PPP6R2: variants seen among roughly 807,000 people sequenced by gnomAD.
PPP6R2 encodes the protein protein phosphatase 6 regulatory subunit 2, also known as serine/threonine-protein phosphatase 6 regulatory subunit 2.
Under a neutral mutation model 100.2 loss-of-function variants are expected in PPP6R2, and 62 were observed. The ratio of observed to expected loss-of-function variants is 0.62; its 90% CI spans 0.50 to 0.76. The LOEUF (loss-of-function observed/expected upper bound fraction) is 0.76. PPP6R2 is among the 30% of genes least tolerant of loss of function. The pLI is 0.00. For missense variants in PPP6R2, 1,142 were observed against 1,276.3 expected, an observed-to-expected ratio of 0.89 and a Z score of 1.60; for synonymous variants, 525 against 514.7, an observed-to-expected ratio of 1.02 and a Z score of -0.27.
upstream of PPP6R2, among the ~76,000 whole-genome samples, chr22:50,341,819 C>T (rs1190261586): frequency 6.6e-6 from 1 of 152,062 alleles, no homozygotes; most frequent in Non-Finnish European, 1.5e-5. Context: ...ACAGTGAAAC[C>T]CCGTCTCTAC....
intron 1 of PPP6R2, among the ~76,000 whole-genome samples, chr22:50,365,968 C>A (rs1272497224): frequency 6.6e-6 from 1 of 152,060 alleles, no homozygotes; most frequent in Admixed American, 6.6e-5. Flanking sequence ...TATGATTTTT[C>A]TTTTCCTGCT....
rs557632744 is a variant in PPP6R2, at chr22:50,377,763, C to A, written c.-17+5613C>A. On this transcript the variant is annotated intron_variant, in intron 2 of 23. Transcript: ENST00000612753. The stretch of plus-strand genomic sequence containing the variant: ...GTGGCTGACGCCTGTAATCCCAGTA[C>A]TTTGGGAGGCTGAGGCGGGAGGATC... Among the ~76,000 whole-genome samples, 25 of 152,188 alleles carry A rather than the reference C, an allele frequency of 1.6e-4. No individual in the cohort carries two copies. The East Asian group carries it at 2.5e-3, about 15-fold the overall frequency.
intron 11 of PPP6R2, 99 bp from the exon 12 acceptor site, chr22:50,432,166 C>G: frequency 3.6e-6 from 4 of 1,110,676 alleles, no homozygotes; most frequent in Non-Finnish European, 5.3e-6. Context: ...TCCACACAGA[C>G]GTGGCCGCCA....
chr22:50,434,827 G>A (rs561980115), intron 12 of PPP6R2, 139 bp from the exon 13 acceptor site: 24 of 675,776 alleles, frequency 3.6e-5, no homozygotes, highest in Middle Eastern at 5.5e-4. Flanking sequence ...GAGGAGGGCC[G>A]GGGGCGCGGA....
intron 2 of PPP6R2, among the ~76,000 whole-genome samples, chr22:50,384,310 G>C (rs1405364928): frequency 6.6e-6 from 1 of 151,914 alleles, no homozygotes; most frequent in Admixed American, 6.6e-5. Flanking sequence ...AATCCCACCA[G>C]TCTGGGAGGC....
chr22:50,441,261 A>G (rs2065533457), intron 22 of PPP6R2, among the ~76,000 whole-genome samples: 1 of 152,272 alleles, frequency 6.6e-6, no homozygotes, highest in South Asian at 2.1e-4. Flanking sequence ...TGGACAGAAC[A>G]TCGTGTTCTC....
At chr22:50,346,772 C>T (rs1298437304) in intron 1 of PPP6R2, among the ~76,000 whole-genome samples, 1 of 148,080 alleles carries the variant, frequency 6.8e-6, no homozygotes, top group South Asian at 2.2e-4. Flanking sequence ...CACTCTGCTC[C>T]CCATCAGTGT....
rs1569494527 is a variant in PPP6R2 at position 50,438,590 on chromosome 22, C to G, written c.1965-9C>G. The G allele has an allele frequency of 1.9e-6, 3 of 1,613,310 alleles. No individual in the cohort carries two copies. Among genetic ancestry groups the G allele is most frequent in the Non-Finnish European group, 2.5e-6 (3 of 1,179,690 alleles). On this transcript the variant is annotated splice_polypyrimidine_tract_variant and intron_variant, in intron 18 of 23. Coordinates refer to ENST00000612753, the MANE Select transcript of PPP6R2 (RefSeq NM_001242898.2). ...GGCCACCAGACATCTGACTCTGAAT[C>G]TCCCCCAGGTTTGGAGCCCCCCATG...
At chr22:50,343,244 A>ACCCGCGCGGCCCCGCCCC (rs2042616564), upstream of PPP6R2, 1 of 147,196 alleles carries the variant, frequency 6.8e-6, no homozygotes, top group African/African-American at 2.5e-5. Flanking sequence ...GGCCCCGCCC[A>ACCCGCGCGGCCCCGCCCC]CCCGCGCGGC....
chr22:50,415,292 C>T lies in PPP6R2; in HGVS notation c.552+603C>T, dbSNP rs140211277. Reference sequence around the variant, plus strand: ...AAATAGAGTAGAGTAAACCCTGAGGCGCTCTGCCTGTTTCCCAGCTCCTGG... The same window carrying T: ...AAATAGAGTAGAGTAAACCCTGAGGTGCTCTGCCTGTTTCCCAGCTCCTGG... On this transcript the variant is annotated intron_variant, in intron 5 of 23. Transcript: ENST00000612753. Among the ~76,000 whole-genome samples the T allele has an allele frequency of 4.4e-3, 669 of 152,292 alleles. 8 individuals carry two copies. Among genetic ancestry groups the T allele is most frequent in the African/African-American group, 0.015 (621 of 41,554 alleles).
At chr22:50,335,988 GT>G in the PPP6R2 span, among the ~76,000 whole-genome samples, 1 of 150,030 alleles carries the variant, frequency 6.7e-6, no homozygotes, top group Admixed American at 6.7e-5. Context: ...AATGTTGAAT[GT>G]TTTTTTTCTT....
Position 50,423,489 on chromosome 22 carries a change from G to A in PPP6R2, c.1000G>A (p.Val334Met). The A allele has an allele frequency of 6.2e-7, 1 of 1,614,244 alleles. No individual in the cohort carries two copies. Among genetic ancestry groups the A allele is most frequent in the Non-Finnish European group, 8.5e-7 (1 of 1,180,054 alleles). The change falls in exon 10 of 24, where the codon GTG (valine) becomes ATG (methionine). Residue 334 changes from valine (V) to methionine (M), a missense_variant. By Grantham distance (21) the Val-to-Met change is conservative. This residue lies in a region of PPP6R2 where 592 missense variants were observed against 758.9 expected (regional missense o/e 0.78). Coordinates refer to ENST00000612753, the MANE Select transcript of PPP6R2 (RefSeq NM_001242898.2). The surrounding 1 kb of genome is among the most constrained non-coding windows in gnomAD (Gnocchi z 4.8). ...KKKAILTTIG[V>M]LEEPLGNARL... Reference sequence around the variant, plus strand: ...GAAAGCGATCCTGACCACCATTGGTGTGCTGGAGGAGCCCCTGGGGAATGC... The same window carrying A: ...GAAAGCGATCCTGACCACCATTGGTATGCTGGAGGAGCCCCTGGGGAATGC...
At position 50,444,113 on chromosome 22, in the gene PPP6R2, G is replaced by A; in HGVS notation, c.2827G>A (p.Asp943Asn). 2 of 1,612,176 alleles carry A rather than the reference G, an allele frequency of 1.2e-6. No homozygotes were observed. The highest frequency in any genetic ancestry group is 1.7e-4 in the Middle Eastern group (1 of 6,054). Reference protein sequence around the residue: ...MVATLGTVTKDGKTDAPPEGA... With the variant: ...MVATLGTVTKNGKTDAPPEGA... Reference sequence around the variant, plus strand: ...GGCCACCCTGGGGACAGTGACAAAGGACGGGTGAGCAGGTTGAGTGTGGGG... The same window carrying A: ...GGCCACCCTGGGGACAGTGACAAAGAACGGGTGAGCAGGTTGAGTGTGGGG... Residue 943 changes from aspartate to asparagine, a missense_variant, in exon 23 of 24, where the codon GAC (aspartate) becomes AAC (asparagine). Transcript: ENST00000612753.
upstream of PPP6R2, among the ~76,000 whole-genome samples, chr22:50,339,336 G>T (rs2042342162): frequency 6.9e-6 from 1 of 145,854 alleles, no homozygotes; most frequent in Admixed American, 6.9e-5. Context: ...TGTGGTGTGT[G>T]TGGTATGTAG....
At chr22:50,393,196 A>G (rs1019553904) in intron 2 of PPP6R2, among the ~76,000 whole-genome samples, 1 of 152,162 alleles carries the variant, frequency 6.6e-6, no homozygotes, top group African/African-American at 2.4e-5. Context: ...TCAGGTGCCT[A>G]TGGCAAGACC....
At chr22:50,393,750 A>T in intron 2 of PPP6R2, 143 bp from the exon 3 acceptor site, 1 of 1,477,432 alleles carries the variant, frequency 6.8e-7, no homozygotes. Context: ...CATGCTGCAG[A>T]TGGACTTCCA....
At chr22:50,339,891 G>GGGT (rs2042352223), upstream of PPP6R2, among the ~76,000 whole-genome samples, 1 of 89,892 alleles carries the variant, frequency 1.1e-5, no homozygotes, top group Non-Finnish European at 2.2e-5. Flanking sequence ...GTGTGTGTGG[G>GGGT]GTGTGTGGTG....
In PPP6R2 at chr22:50,438,211, G is replaced by A. The variant is rs189571888; in HGVS notation, c.1877G>A (p.Arg626His). 744 of 1,613,816 alleles carry A rather than the reference G, an allele frequency of 4.6e-4. 6 individuals carry two copies. In the Admixed American group the frequency reaches 0.01, roughly 23 times the overall value. The change falls in exon 18 of 24, where the codon CGC becomes CAC. Residue 626 changes from arginine to histidine, a missense_variant. By Grantham distance (29) the Arg-to-His change is conservative. This residue lies in a region of PPP6R2 where 550 missense variants were observed against 517.4 expected (regional missense o/e 1.06). Transcript: ENST00000612753. ...AALFEACCSD[R>H]IQPFDDDEDE... ...CTGTTTGAGGCCTGCTGCAGTGACCGCATCCAGCCCTTTGATGATGATGAG... is the reference window on the plus strand; with the variant it reads ...CTGTTTGAGGCCTGCTGCAGTGACCACATCCAGCCCTTTGATGATGATGAG...
At chr22:50,430,193 G>A (rs1296659365) in intron 10 of PPP6R2, among the ~76,000 whole-genome samples, 3 of 152,322 alleles carry the variant, frequency 2.0e-5, no homozygotes, top group East Asian at 1.9e-4. Context: ...AGCTGTCCTC[G>A]TTCAGCCACC....
Sources: gnomAD v4.1 joint callset for allele counts (sites outside exome capture counted in the v4.1 genomes callset) on GRCh38, gnomAD v4.1.1 for gene constraint, gnomAD v4.1.1 regional missense constraint, Gnocchi (gnomAD v3.1) non-coding constraint, MANE v1.5 for transcripts, NCBI Gene and HGNC (gene_info 2026-07-23, HGNC 2026-07-21) for gene names.